KTN1: variants seen among roughly 807,000 people sequenced by gnomAD.
KTN1 encodes the protein kinectin.
A neutral mutation model predicts 222.5 loss-of-function variants in KTN1; 130 were observed. The observed-to-expected ratio is 0.58, with a 90% CI of 0.51 to 0.68. The LOEUF (loss-of-function observed/expected upper bound fraction) is 0.68. Ranked by LOEUF, KTN1 falls within the 30% of genes least tolerant of loss-of-function variation. The probability of loss-of-function intolerance (pLI) is 0.00; values close to 1 mark genes in which losing one functional copy is unlikely to be tolerated. For missense variants in KTN1, 1,508 were observed against 1,500.4 expected, an observed-to-expected ratio of 1.01 and a Z score of -0.08; for synonymous variants, 512 against 496.3, an observed-to-expected ratio of 1.03 and a Z score of -0.42.
intron 40 of KTN1, 87 bp downstream of exon 40, chr14:55,673,342 T>A: frequency 1.3e-6 from 1 of 762,776 alleles, no homozygotes; most frequent in African/African-American, 1.8e-5. Context: ...CTTTTTTTTC[T>A]TTGCTAACAT....
rs933848275 is a variant in KTN1 at position 55,606,445 on chromosome 14, C to G, written c.-30-5574C>G. Among the ~76,000 whole-genome samples, 37 of 151,866 alleles carry G rather than the reference C, an allele frequency of 2.4e-4. No individual in the cohort carries two copies. In the Middle Eastern group the frequency reaches 0.02, roughly 84 times the overall value. ...TGAATTTTGATTTGTTAAGTTTTTG[C>G]TAATGGTTTTTTTGAGCCACCCCAG... On this transcript the variant is annotated intron_variant, in intron 1 of 43. Coordinates refer to ENST00000395314, the MANE Select transcript of KTN1 (RefSeq NM_001079521.2).
chr14:55,627,234 T>G (rs1452127556), intron 5 of KTN1, among the ~76,000 whole-genome samples: 1 of 152,140 alleles, frequency 6.6e-6, no homozygotes, highest in Non-Finnish European at 1.5e-5. Flanking sequence ...ATTCCTGTAG[T>G]TCTTCGTAAA....
chr14:55,652,651 G>A (rs1031394880), intron 25 of KTN1, among the ~76,000 whole-genome samples, 199 bp from the exon 26 acceptor site: 20 of 152,204 alleles, frequency 1.3e-4, no homozygotes, highest in Admixed American at 9.8e-4. Flanking sequence ...CGCCCGCCTT[G>A]GCCTCCCAAA....
At chr14:55,639,449 AC>A (rs1412258911) in intron 13 of KTN1, among the ~76,000 whole-genome samples, 1 of 151,262 alleles carries the variant, frequency 6.6e-6, no homozygotes, top group Non-Finnish European at 1.5e-5. Flanking sequence ...TTTTATTATA[AC>A]AAGAGTTGGG....
rs2043763198 is a variant in KTN1 at position 55,658,615 on chromosome 14, G to A, written c.2961+1G>A. On this transcript the variant is annotated splice_donor_variant, in intron 30 of 43. Coordinates refer to ENST00000395314, the MANE Select transcript of KTN1 (RefSeq NM_001079521.2). LOFTEE classifies it high-confidence loss of function. ...GCTTAAACAACAAAACTACCAACAG[G>A]TAGGTATTATTAGATGTCTTGCCTT... 1 of 1,595,918 alleles carries A rather than the reference G, an allele frequency of 6.3e-7. No homozygotes were observed. The highest frequency in any genetic ancestry group is 1.3e-5 in the African/African-American group (1 of 74,480).
At chr14:55,591,071 C>A (rs994536198) in intron 1 of KTN1, among the ~76,000 whole-genome samples, 1 of 152,172 alleles carries the variant, frequency 6.6e-6, no homozygotes, top group South Asian at 2.1e-4. Flanking sequence ...CATTGGGTTT[C>A]TAGGTATTTT....
At chr14:55,644,919 T>TA (rs895088333) in intron 18 of KTN1, among the ~76,000 whole-genome samples, 106 of 152,056 alleles carry the variant, frequency 7.0e-4, no homozygotes, top group Non-Finnish European at 1.3e-3. Flanking sequence ...GGAACTTCAT[T>TA]AAAAAAAATT....
At chr14:55,587,340 A>G (rs965116680) in intron 1 of KTN1, among the ~76,000 whole-genome samples, 46 of 152,324 alleles carry the variant, frequency 3.0e-4, no homozygotes, top group African/African-American at 1.1e-3. Context: ...AATTTGAAAC[A>G]TGAATTTCAG....
chr14:55,591,517 C>G (rs1406385558), intron 1 of KTN1, among the ~76,000 whole-genome samples: 1 of 151,828 alleles, frequency 6.6e-6, no homozygotes, highest in African/African-American at 2.4e-5. Context: ...ATGGCAAAAA[C>G]CAGTTAGCCT....
intron 33 of KTN1, 126 bp downstream of exon 33, chr14:55,664,167 A>G (rs1595210781): frequency 1.6e-6 from 1 of 611,206 alleles, no homozygotes; most frequent in Middle Eastern, 2.7e-4. Context: ...CATATTTATC[A>G]TCTCTATCAT....
chr14:55,627,799 C>T lies in KTN1; in HGVS notation c.964-113C>T, dbSNP rs1355254105. On this transcript the variant is annotated intron_variant, in intron 5 of 43. Transcript: ENST00000395314. ...TCCCTGCAAAGGACATGAACTCATT[C>T]TTTTTTATGGCTGCATAGTATTCCA... is the stretch of plus-strand genomic sequence containing the variant. 7.7e-6 allele frequency: 5 copies of T among 651,544 alleles called. No homozygotes were observed. In the East Asian group the frequency reaches 1.4e-4, roughly 18 times the overall value. 40.4% of individuals were successfully genotyped at this position (651,544 alleles called of 1,614,324 possible).
intron 9 of KTN1, among the ~76,000 whole-genome samples, chr14:55,636,128 G>T (rs2041099101): frequency 6.6e-6 from 1 of 152,230 alleles, no homozygotes; most frequent in African/African-American, 2.4e-5. Flanking sequence ...AGGAAGGTTA[G>T]TGGGAAACAG....
chr14:55,584,544 T>A (rs1304688976), intron 1 of KTN1, among the ~76,000 whole-genome samples: 1 of 152,166 alleles, frequency 6.6e-6, no homozygotes, highest in Non-Finnish European at 1.5e-5. Flanking sequence ...CTCCGTCCAG[T>A]CTTTGCTTTT....
chr14:55,674,605 C>T (rs2045737775), intron 40 of KTN1: 1 of 152,076 alleles, frequency 6.6e-6, no homozygotes, highest in Admixed American at 6.6e-5. Flanking sequence ...AGTCCTCACT[C>T]TATGTTTTTA....
At chr14:55,588,138 CATAA>C (rs1302587766) in intron 1 of KTN1, among the ~76,000 whole-genome samples, 4 of 152,246 alleles carry the variant, frequency 2.6e-5, no homozygotes, top group Non-Finnish European at 2.9e-5. Flanking sequence ...TTACCAATTA[CATAA>C]ATAGTCAATT....
At chr14:55,647,473 A>C (rs1193134586) in intron 19 of KTN1, among the ~76,000 whole-genome samples, 1 of 151,486 alleles carries the variant, frequency 6.6e-6, no homozygotes, top group Non-Finnish European at 1.5e-5. Context: ...GTCTGTACCA[A>C]ATGTACAAAA....
rs59170918 is a variant in KTN1 at position 55,593,436 on chromosome 14, AC to A, written c.-31+13092del. Reference sequence around the variant, plus strand: ...ATTTACTAATTGATCAGAAATAGACACCCCCCCCCCAAAAAAAAAAAAAGAA... The same window carrying A: ...ATTTACTAATTGATCAGAAATAGACACCCCCCCCCAAAAAAAAAAAAAGAA... On this transcript the variant is annotated intron_variant, in intron 1 of 43. Coordinates refer to ENST00000395314, the MANE Select transcript of KTN1 (RefSeq NM_001079521.2). Among the ~76,000 whole-genome samples the A allele has an allele frequency of 2.5e-3, 223 of 89,500 alleles. 7 individuals carry two copies. Among genetic ancestry groups the A allele is most frequent in the East Asian group, 3.8e-3 (11 of 2,902 alleles). The allele number at this position is 89,500 out of a possible 152,430, so 58.7% of individuals were successfully genotyped here. A position where few individuals can be genotyped will look rare whatever the true frequency, so the allele number is the denominator to read the frequency against.
Position 55,619,287 on chromosome 14 carries a change from G to C in KTN1, c.938G>C (p.Gly313Ala), listed in dbSNP as rs558675926. The change falls in exon 5 of 44, where the codon GGT (glycine) becomes GCT (alanine). Residue 313 changes from glycine (G) to alanine (A), a missense_variant. Transcript: ENST00000395314. ...GTAGACTTGCTAAAGGAGAAGTCTG[G>C]TGTAATACAAGATGCTTTAAAGAAG... ...CVVDLLKEKSGVIQDALKKSS... is the reference protein window; with the variant it reads ...CVVDLLKEKSAVIQDALKKSS... 1 of 1,613,540 alleles carries C rather than the reference G, an allele frequency of 6.2e-7. No homozygotes were observed. Among genetic ancestry groups the C allele is most frequent in the Admixed American group, 1.7e-5 (1 of 60,010 alleles).
chr14:55,646,627 A>C (rs1167815500), intron 18 of KTN1, among the ~76,000 whole-genome samples: 1 of 144,456 alleles, frequency 6.9e-6, no homozygotes, highest in African/African-American at 2.6e-5. Context: ...GCGAGGTCTT[A>C]GAGTCTGGAT....
Sources: gnomAD v4.1 joint callset for allele counts (sites outside exome capture counted in the v4.1 genomes callset) on GRCh38, gnomAD v4.1.1 for gene constraint, MANE v1.5 for transcripts, NCBI Gene and HGNC (gene_info 2026-07-23, HGNC 2026-07-21) for gene names.